The following SDK1 variants were observed in gnomAD, a reference collection of about 807,000 sequenced individuals.
SDK1 encodes sidekick cell adhesion molecule 1.
Under a neutral mutation model 245.5 loss-of-function variants are expected in SDK1, and 157 were observed. That is an observed-to-expected ratio of 0.64 (90% CI 0.56 to 0.73). The LOEUF is 0.73. Among genes scored for constraint, SDK1 ranks in the 30% least tolerant of loss-of-function variants. The pLI is 0.00. For synonymous variants in SDK1, 1,647 were observed against 1,278.5 expected (o/e 1.29, Z -6.15); for missense variants, 3,583 against 3,002.3 (o/e 1.19, Z -4.52).
At chr7:3,962,912 C>G (rs1781813824) in intron 9 of SDK1, 61 bp downstream of exon 9, 1 of 915,516 alleles carries the variant, frequency 1.1e-6, no homozygotes, top group Non-Finnish European at 1.5e-6. Flanking sequence ...ACACTCAGCC[C>G]CATGGCTACC....
At chr7:3,842,700 C>A (rs11978042) in intron 5 of SDK1, among the ~76,000 whole-genome samples, 10,338 of 152,058 alleles carry the variant, frequency 0.068, 1,170 homozygotes, top group African/African-American at 0.23. Flanking sequence ...ACACCAGCAC[C>A]CTAGACCAGC....
chr7:3,998,358 A>G (rs1784834055), intron 14 of SDK1, among the ~76,000 whole-genome samples: 1 of 152,232 alleles, frequency 6.6e-6, no homozygotes, highest in South Asian at 2.1e-4. Flanking sequence ...GGAACATGAT[A>G]CTGACTTGAA....
At chr7:3,654,618 G>T (rs1274259555) in intron 4 of SDK1, among the ~76,000 whole-genome samples, 1 of 152,308 alleles carries the variant, frequency 6.6e-6, no homozygotes, top group Non-Finnish European at 1.5e-5. Flanking sequence ...GGTGATGCTT[G>T]TTGGGCACCT....
rs138295451 is a variant in SDK1, at chr7:4,144,060, C to T, written c.4229-1662C>T. 3.7e-4 allele frequency among the ~76,000 whole-genome samples: 51 copies of T among 136,300 alleles called. 2 individuals are homozygous for T. The East Asian group carries it at 0.011, about 29-fold the overall frequency. 89.4% of individuals were successfully genotyped at this position (136,300 alleles called of 152,430 possible). Reference sequence around the variant, plus strand: ...CTCCCTACTCTCACTGTGCAAGGGTCGGGGAAACGGGAGGCCTGTGGGAAG... The same window carrying T: ...CTCCCTACTCTCACTGTGCAAGGGTTGGGGAAACGGGAGGCCTGTGGGAAG... On this transcript the variant is annotated intron_variant, in intron 28 of 44. Transcript: ENST00000404826.
chr7:3,638,646 A>C (rs1188454723), intron 2 of SDK1, among the ~76,000 whole-genome samples: 1 of 56,240 alleles, frequency 1.8e-5, no homozygotes. Flanking sequence ...GGGTGGGGGG[A>C]GGGGGGAGGG....
chr7:3,321,499 T>A (rs2128547339), intron 1 of SDK1, among the ~76,000 whole-genome samples: 1 of 152,314 alleles, frequency 6.6e-6, no homozygotes, highest in South Asian at 2.1e-4. Context: ...CTTATTTGGT[T>A]GATACTGAGT....
intron 5 of SDK1, among the ~76,000 whole-genome samples, chr7:3,883,680 A>ACCTCACTC (rs1781261613): frequency 1.4e-5 from 2 of 145,508 alleles, no homozygotes; most frequent in African/African-American, 5.5e-5. Flanking sequence ...CGTCCTCTGG[A>ACCTCACTC]CCTCGCTCCC....
intron 7 of SDK1, among the ~76,000 whole-genome samples, 155 bp from the exon 8 acceptor site, chr7:3,958,776 G>C (rs949449687): frequency 6.6e-6 from 1 of 152,178 alleles, no homozygotes; most frequent in Non-Finnish European, 1.5e-5. Context: ...CCTTTGGCCT[G>C]TGCTCACTGA....
At chr7:3,813,586 C>A (rs1474672655) in intron 4 of SDK1, among the ~76,000 whole-genome samples, 1 of 150,818 alleles carries the variant, frequency 6.6e-6, no homozygotes, top group Non-Finnish European at 1.5e-5. Flanking sequence ...GTGCATGTGT[C>A]TTTACAGCAG....
At chr7:3,390,699 A>G (rs776259278) in intron 1 of SDK1, among the ~76,000 whole-genome samples, 8 of 152,186 alleles carry the variant, frequency 5.3e-5, no homozygotes, top group African/African-American at 1.4e-4. Flanking sequence ...GCCGAAGTCA[A>G]TAATGCCAAG....
intron 1 of SDK1, among the ~76,000 whole-genome samples, chr7:3,334,437 A>T (rs185297320): frequency 1.2e-4 from 18 of 151,976 alleles, no homozygotes; most frequent in Admixed American, 6.6e-4. Context: ...GTCCCTTTCA[A>T]ATGACCACAG....
intron 14 of SDK1, 50 bp downstream of exon 14, chr7:3,987,372 G>T (rs761402857): frequency 2.5e-6 from 4 of 1,594,870 alleles, no homozygotes. Flanking sequence ...AGATTTTTGT[G>T]TGTGCTCTTA....
At chr7:4,052,392 A>G (rs1211202449) in intron 19 of SDK1, among the ~76,000 whole-genome samples, 4 of 152,180 alleles carry the variant, frequency 2.6e-5, no homozygotes, top group Non-Finnish European at 5.9e-5. Context: ...TTATATATAT[A>G]CAAGGCGGCT....
At chr7:3,672,007 G>T (rs964569652) in intron 4 of SDK1, among the ~76,000 whole-genome samples, 1 of 152,122 alleles carries the variant, frequency 6.6e-6, no homozygotes, top group Non-Finnish European at 1.5e-5. Flanking sequence ...AGGAACACAT[G>T]GACCCTGAGG....
intron 35 of SDK1, among the ~76,000 whole-genome samples, chr7:4,202,632 T>C (rs1373894368): frequency 1.3e-5 from 2 of 152,246 alleles, no homozygotes; most frequent in African/African-American, 4.8e-5. Flanking sequence ...ATGTTTTGAA[T>C]GAGTGGGCGG....
intron 1 of SDK1, among the ~76,000 whole-genome samples, chr7:3,343,726 A>T (rs77447053): frequency 1.9e-5 from 2 of 107,252 alleles, no homozygotes; most frequent in Non-Finnish European, 3.9e-5. Context: ...ATAAAAAGTT[A>T]AATATGAATG....
chr7:3,438,415 T>G (rs1219766340), intron 1 of SDK1, among the ~76,000 whole-genome samples: 1 of 152,208 alleles, frequency 6.6e-6, no homozygotes, highest in Non-Finnish European at 1.5e-5. Context: ...ATTCTAACAT[T>G]TACATATGAG....
In SDK1 at chr7:4,132,406, C is replaced by T. The variant is rs1178847081; in HGVS notation, c.4211C>T (p.Pro1404Leu). 1.2e-6 allele frequency: 2 copies of T among 1,611,252 alleles called. No individual in the cohort carries two copies. Among genetic ancestry groups the T allele is most frequent in the Non-Finnish European group, 1.7e-6 (2 of 1,178,536 alleles). Residue 1404 changes from proline (P) to leucine (L), a missense_variant, in exon 28 of 45, where the codon CCC (proline) becomes CTC (leucine). By Grantham distance (98) the Pro-to-Leu change is moderately conservative. Transcript: ENST00000404826. ...ATAGTGTGGCAACCTCCGGAGGAGCCCAACGGCATCATCCTGGGTAAGGGA... is the reference window on the plus strand; with the variant it reads ...ATAGTGTGGCAACCTCCGGAGGAGCTCAACGGCATCATCCTGGGTAAGGGA... ...VRIVWQPPEEPNGIILGYQIA... is the reference protein window; with the variant it reads ...VRIVWQPPEELNGIILGYQIA...
intron 12 of SDK1, among the ~76,000 whole-genome samples, chr7:3,972,293 A>T (rs1218919665): frequency 6.6e-6 from 1 of 152,008 alleles, no homozygotes; most frequent in Non-Finnish European, 1.5e-5. Flanking sequence ...GTTAGCCAGG[A>T]TGGTCTCGAT....
Sources: allele counts gnomAD v4.1 joint callset (sites outside exome capture counted in the v4.1 genomes callset), GRCh38; gene constraint gnomAD v4.1.1; transcripts MANE v1.5; gene names NCBI Gene and HGNC (gene_info 2026-07-23, HGNC 2026-07-21).